The following ERAP1 variants were observed in gnomAD, a reference collection of about 807,000 sequenced individuals.
The protein encoded by ERAP1 is endoplasmic reticulum aminopeptidase 1.
In ERAP1, 86 loss-of-function variants were observed where a neutral mutation model predicts 103.7. The ratio of observed to expected loss-of-function variants is 0.83; its 90% confidence interval spans 0.70 to 0.99. The LOEUF is 0.99. Among genes scored for constraint, ERAP1 ranks in the 50% least tolerant of loss-of-function variants. The pLI, the probability that ERAP1 is intolerant of heterozygous loss-of-function variation, is 0.00. For missense variants in ERAP1, 1,009 were observed against 1,128.4 expected, an observed-to-expected ratio of 0.89 and a Z score of 1.52; for synonymous variants, 398 against 402.4, an observed-to-expected ratio of 0.99 and a Z score of 0.13.
chr5:96,933,316 C>T, the ERAP1 span, among the ~76,000 whole-genome samples: 1 of 143,024 alleles, frequency 7.0e-6, no homozygotes, highest in Admixed American at 7.5e-5. Context: ...CTCCCGGGTT[C>T]AAGTGATTCT....
chr5:96,765,964 C>A (rs866758935), intron 19 of ERAP1: 1 of 781,766 alleles, frequency 1.3e-6, no homozygotes. Context: ...CATGAAAGTA[C>A]AACAAATGCT....
At chr5:96,787,784 T>TATATACA (rs58711860) in intron 11 of ERAP1, among the ~76,000 whole-genome samples, 1 of 149,982 alleles carries the variant, frequency 6.7e-6, no homozygotes, top group Non-Finnish European at 1.5e-5. Flanking sequence ...GGTGTATATA[T>TATATACA]TATATATATA....
At chr5:96,891,371 G>GTA in the ERAP1 span, among the ~76,000 whole-genome samples, 6,866 of 89,122 alleles carry the variant, frequency 0.077, 244 homozygotes, top group South Asian at 0.16. Flanking sequence ...ATATATATGT[G>GTA]TATATATATA....
the ERAP1 span, among the ~76,000 whole-genome samples, chr5:96,866,941 T>G: frequency 7.2e-5 from 11 of 152,214 alleles, no homozygotes; most frequent in African/African-American, 2.4e-4. Context: ...CATCAGTACC[T>G]AGCTTTGTGC....
the ERAP1 span, among the ~76,000 whole-genome samples, chr5:96,875,380 T>A: frequency 3.3e-5 from 5 of 150,550 alleles, no homozygotes; most frequent in Non-Finnish European, 7.4e-5. Flanking sequence ...AAAAAAAAAA[T>A]AATAAATTAG....
the ERAP1 span, chr5:96,909,637 G>A: frequency 1.9e-6 from 3 of 1,614,026 alleles, no homozygotes; most frequent in African/African-American, 2.7e-5. Flanking sequence ...GAGTGACAAG[G>A]GCTCAGTCTG....
the ERAP1 span, among the ~76,000 whole-genome samples, chr5:96,914,520 T>C: frequency 1.3e-5 from 2 of 152,250 alleles, no homozygotes; most frequent in Non-Finnish European, 2.9e-5. Flanking sequence ...TCTGTTTTCA[T>C]GATTGTCATT....
chr5:96,858,977 C>T, the ERAP1 span, among the ~76,000 whole-genome samples: 3 of 151,876 alleles, frequency 2.0e-5, no homozygotes, highest in Non-Finnish European at 4.4e-5. Flanking sequence ...CTGAAGATTA[C>T]TCCTTCAAAG....
chr5:96,837,872 A>G, the ERAP1 span, among the ~76,000 whole-genome samples: 14 of 152,180 alleles, frequency 9.2e-5, no homozygotes, highest in African/African-American at 2.9e-4. Context: ...CAGAGCAGGA[A>G]GATAAGCTTT....
chr5:96,799,606 C>T (rs1051179955), intron 3 of ERAP1, among the ~76,000 whole-genome samples: 1 of 152,218 alleles, frequency 6.6e-6, no homozygotes, highest in Admixed American at 6.5e-5. Flanking sequence ...CAGTCTCTCT[C>T]CTGTCTCCTT....
At chr5:96,918,269 C>T in the ERAP1 span, 3 of 152,308 alleles carry the variant, frequency 2.0e-5, no homozygotes, top group African/African-American at 7.2e-5. Context: ...CACGCTATGC[C>T]ACTATTTTGC....
At chr5:96,933,693 A>C in the ERAP1 span, among the ~76,000 whole-genome samples, 1 of 152,234 alleles carries the variant, frequency 6.6e-6, no homozygotes, top group African/African-American at 2.4e-5. Context: ...AACAAGCTGC[A>C]GTGTTTTAAA....
the ERAP1 span, among the ~76,000 whole-genome samples, chr5:96,827,397 C>T: frequency 2.6e-5 from 4 of 152,226 alleles, no homozygotes; most frequent in South Asian, 2.1e-4. Flanking sequence ...CGCGATGGCT[C>T]ACGCCTATAA....
chr5:96,880,263 A>G, the ERAP1 span: 2 of 1,603,964 alleles, frequency 1.2e-6, no homozygotes, highest in Non-Finnish European at 1.7e-6. Flanking sequence ...GAAACAAGGT[A>G]AGAACTTGCT....
At chr5:96,884,121 G>T in the ERAP1 span, among the ~76,000 whole-genome samples, 1 of 148,072 alleles carries the variant, frequency 6.8e-6, no homozygotes, top group African/African-American at 2.5e-5. Context: ...ACATCATTCT[G>T]TTTGGGGCAT....
At chr5:96,899,511 C>T in the ERAP1 span, among the ~76,000 whole-genome samples, 1 of 152,178 alleles carries the variant, frequency 6.6e-6, no homozygotes, top group African/African-American at 2.4e-5. Flanking sequence ...AGCCTTAGCA[C>T]ATTCTTCATT....
intron 4 of ERAP1, 29 bp downstream of exon 4, chr5:96,797,146 G>A (rs1372559779): frequency 6.2e-7 from 1 of 1,613,720 alleles, no homozygotes; most frequent in East Asian, 2.2e-5. Context: ...GAACAAGCTG[G>A]TCACCATATG....
chr5:96,923,263 C>T, the ERAP1 span, among the ~76,000 whole-genome samples: 3 of 152,188 alleles, frequency 2.0e-5, no homozygotes, highest in South Asian at 2.1e-4. Context: ...GCCACCACGC[C>T]AGGTCCTGGC....
At chr5:96,881,555 T>A in the ERAP1 span, 4 of 452,304 alleles carry the variant, frequency 8.8e-6, no homozygotes, top group African/African-American at 8.0e-5. Flanking sequence ...AAATCTAAAT[T>A]CCATGGCTTA....
Sources: allele counts gnomAD v4.1 joint callset (sites outside exome capture counted in the v4.1 genomes callset), GRCh38; gene constraint gnomAD v4.1.1; transcripts MANE v1.5; gene names NCBI Gene and HGNC (gene_info 2026-07-23, HGNC 2026-07-21).